NCAPG2: variants seen among roughly 807,000 people sequenced by gnomAD.
The protein encoded by NCAPG2 is condensin-2 complex subunit G2.
NCAPG2 carries 53 observed loss-of-function variants against 141.1 expected under a neutral mutation model. The observed-to-expected ratio is 0.38, with a 90% CI of 0.30 to 0.47. The LOEUF is 0.47. Ranked by LOEUF, NCAPG2 falls within the 20% of genes least tolerant of loss-of-function variation. NCAPG2 has a pLI of 0.99. For missense variants in NCAPG2, 1,087 were observed against 1,389.0 expected, an observed-to-expected ratio of 0.78 and a Z score of 3.46; for synonymous variants, 499 against 490.7, an observed-to-expected ratio of 1.02 and a Z score of -0.22.
At chr7:158,679,816 A>T in intron 11 of NCAPG2, 144 bp downstream of exon 11, 2 of 1,084,756 alleles carry the variant, frequency 1.8e-6, no homozygotes, top group Non-Finnish European at 2.6e-6. Context: ...ATCTCTCTGA[A>T]GAACAGTCCA....
At chr7:158,673,971 T>C (rs1437703608) in intron 12 of NCAPG2, among the ~76,000 whole-genome samples, 1 of 152,216 alleles carries the variant, frequency 6.6e-6, no homozygotes, top group Non-Finnish European at 1.5e-5. Context: ...AATGCTTTAC[T>C]GGAGTAGTGG....
chr7:158,668,301 C>CCCTTACCCACTACTGGGTCCCTCCGCCCT (rs1833398393), intron 13 of NCAPG2: 1 of 871,296 alleles, frequency 1.1e-6, no homozygotes, highest in Non-Finnish European at 1.3e-6. Context: ...CCTAGGCCCT[C>CCCTTACCCACTACTGGGTCCCTCCGCCCT]CCTTACCCAC....
intron 3 of NCAPG2, 144 bp downstream of exon 3, chr7:158,693,165 A>G: frequency 1.1e-6 from 1 of 940,598 alleles, no homozygotes; most frequent in South Asian, 1.7e-5. Flanking sequence ...AAAGTGAATA[A>G]AACTACAACA....
Position 158,662,302 on chromosome 7 carries a change from C to G in NCAPG2, c.1881G>C (p.Val627=), listed in dbSNP as rs374467513. Residue 627 remains valine (V), a synonymous_variant, in exon 16 of 28, where the codon GTG becomes GTC. Coordinates refer to ENST00000356309, the MANE Select transcript of NCAPG2 (RefSeq NM_017760.7). The part of the protein sequence containing the change: ...ACMAGLLEII[V]ILWKSIDRSM... ...TTCTGTCAATACTTTTCCAGAGAAT[C>G]ACAATGATTTCTAGTAAACCTGCCA... The G allele has an allele frequency of 6.6e-5, 106 of 1,609,734 alleles. No individual in the cohort carries two copies. The highest frequency in any genetic ancestry group is 4.9e-4 in the Middle Eastern group (3 of 6,076).
chr7:158,686,099 C>T, intron 8 of NCAPG2, 73 bp downstream of exon 8: 3 of 904,436 alleles, frequency 3.3e-6, no homozygotes, highest in East Asian at 2.9e-5. Flanking sequence ...CTTAAATAAC[C>T]CTTCTTTGAC....
intron 1 of NCAPG2, among the ~76,000 whole-genome samples, chr7:158,703,144 T>G (rs1835912156): frequency 6.6e-6 from 1 of 152,210 alleles, no homozygotes; most frequent in African/African-American, 2.4e-5. Context: ...GTGATGTTCA[T>G]GCAATGATGA....
intron 9 of NCAPG2, 86 bp from the exon 10 acceptor site, chr7:158,680,902 G>C: frequency 1.0e-6 from 1 of 969,536 alleles, no homozygotes; most frequent in Non-Finnish European, 1.5e-6. Context: ...GCAACAGGGA[G>C]AATTGTTCTC....
At chr7:158,689,150 T>C (rs1834970182) in intron 6 of NCAPG2, among the ~76,000 whole-genome samples, 1 of 152,122 alleles carries the variant, frequency 6.6e-6, no homozygotes. Context: ...TTAACAAAAG[T>C]AAAGAAGATT....
intron 27 of NCAPG2, among the ~76,000 whole-genome samples, chr7:158,637,183 G>C (rs11981955): frequency 6.6e-6 from 1 of 152,140 alleles, no homozygotes; most frequent in Non-Finnish European, 1.5e-5. Flanking sequence ...TCCTGACCTC[G>C]TGATCCACCT....
rs1321373431 is a variant in NCAPG2 at position 158,652,473 on chromosome 7, T to C, written c.2754A>G (p.Gly918=). 1 of 1,593,848 alleles carries C rather than the reference T, an allele frequency of 6.3e-7. No homozygotes were observed. The highest frequency in any genetic ancestry group is 1.1e-5 in the South Asian group (1 of 87,382). ...CAAGAAGTAATGAAACATAAAAAAA[T>C]CCCTTCACTAGAAAGAAAATTGGAA... The part of the protein sequence containing the change: ...RSLGIMQTVK[G]FFYVSLLLDI... The change falls in exon 23 of 28, where the codon GGA becomes GGG. Residue 918 remains glycine, a synonymous_variant. Transcript: ENST00000356309.
chr7:158,668,505 G>A (rs1449741039), intron 13 of NCAPG2: 15 of 838,874 alleles, frequency 1.8e-5, no homozygotes, highest in Non-Finnish European at 2.0e-5. Flanking sequence ...GAAATACAAA[G>A]AAAACAATAT....
chr7:158,685,914 C>T (rs541551886), intron 8 of NCAPG2, among the ~76,000 whole-genome samples: 3 of 152,290 alleles, frequency 2.0e-5, no homozygotes, highest in Admixed American at 1.3e-4. Context: ...AGACTGGCCA[C>T]GTTCCAAATG....
At chr7:158,648,607 C>G (rs879194651) in intron 24 of NCAPG2, among the ~76,000 whole-genome samples, 61 of 84,344 alleles carry the variant, frequency 7.2e-4, no homozygotes, top group East Asian at 2.2e-3. Context: ...GACAACCACG[C>G]CAAATGGACG....
At chr7:158,635,830 G>A (rs901039666) in intron 27 of NCAPG2, among the ~76,000 whole-genome samples, 31 of 152,232 alleles carry the variant, frequency 2.0e-4, no homozygotes, top group African/African-American at 7.5e-4. Flanking sequence ...TGGAGCAAGG[G>A]GTTCCCAGAT....
intron 19 of NCAPG2, 80 bp from the exon 20 acceptor site, chr7:158,655,535 C>T (rs1051413019): frequency 1.3e-5 from 16 of 1,214,972 alleles, no homozygotes; most frequent in African/African-American, 4.5e-5. Flanking sequence ...CAATGGGAAG[C>T]ACCTGATCCT....
intron 22 of NCAPG2, among the ~76,000 whole-genome samples, chr7:158,653,384 A>AGTAAT (rs1554553483): frequency 1.1e-5 from 1 of 88,104 alleles, no homozygotes; most frequent in Non-Finnish European, 2.6e-5. Context: ...AAAATAAAAA[A>AGTAAT]AAAAATAATA....
rs1206149596 is a variant in NCAPG2 at position 158,645,594 on chromosome 7, A to G, written c.3205T>C (p.Cys1069Arg). The G allele has an allele frequency of 1.2e-6, 2 of 1,614,094 alleles. No homozygotes were observed. Among genetic ancestry groups the G allele is most frequent in the Non-Finnish European group, 1.7e-6 (2 of 1,180,028 alleles). ...CCTTCAATATCATTAGAAGCCACAC[A>G]TGCCTTTAATTCATCCAAAAATGAC... ...VRSFLDELKACVASNDIEGIV... is the reference protein window; with the variant it reads ...VRSFLDELKARVASNDIEGIV... The change falls in exon 26 of 28, where the codon TGT becomes CGT. Residue 1069 changes from cysteine to arginine, a missense_variant. Cys to Arg is a radical substitution (Grantham distance 180, BLOSUM62 -3). Transcript: ENST00000356309.
At chr7:158,647,375 C>T (rs1178305980) in intron 24 of NCAPG2, among the ~76,000 whole-genome samples, 1 of 152,210 alleles carries the variant, frequency 6.6e-6, no homozygotes, top group Non-Finnish European at 1.5e-5. Flanking sequence ...AATGTTCCTA[C>T]ACATCACAGT....
At chr7:158,680,696 C>G (rs375738781) in intron 10 of NCAPG2, 25 bp downstream of exon 10, 1 of 1,424,244 alleles carries the variant, frequency 7.0e-7, no homozygotes, top group Non-Finnish European at 9.5e-7. Context: ...ATTCCAAACA[C>G]GGATAAACTA....
Sources: gnomAD v4.1 joint callset for allele counts (sites outside exome capture counted in the v4.1 genomes callset) on GRCh38, gnomAD v4.1.1 for gene constraint, MANE v1.5 for transcripts, NCBI Gene and HGNC (gene_info 2026-07-23, HGNC 2026-07-21) for gene names.